Variants in WDPCP observed in about 807,000 individuals in gnomAD.
The protein encoded by WDPCP is WD repeat containing planar cell polarity effector.
In WDPCP, 71 loss-of-function variants were observed where a neutral mutation model predicts 93.1. The ratio of observed to expected loss-of-function variants is 0.76; its 90% confidence interval spans 0.63 to 0.93. The LOEUF is 0.93. Among genes scored for constraint, WDPCP ranks in the 40% least tolerant of loss-of-function variants. WDPCP has a pLI of 0.00. For synonymous variants in WDPCP, 315 were observed against 315.0 expected (o/e 1.00, Z 0.00); for missense variants, 844 against 887.4 (o/e 0.95, Z 0.62).
intron 6 of WDPCP, 134 bp from the exon 7 acceptor site, chr2:63,440,005 T>G: frequency 6.1e-6 from 4 of 660,320 alleles, no homozygotes; most frequent in Non-Finnish European, 1.1e-5. Context: ...TATAAAGATT[T>G]TCTTCACTGA....
At chr2:63,343,004 G>T (rs575231325) in intron 12 of WDPCP, among the ~76,000 whole-genome samples, 2 of 150,016 alleles carry the variant, frequency 1.3e-5, no homozygotes, top group East Asian at 3.9e-4. Context: ...AAAATTCTTT[G>T]TTGTTGGTTT....
At chr2:63,635,463 A>T (rs893961778) in intron 3 of WDPCP, among the ~76,000 whole-genome samples, 3 of 152,164 alleles carry the variant, frequency 2.0e-5, no homozygotes, top group African/African-American at 7.2e-5. Context: ...CAGATGCAAA[A>T]ATTCTCAACA....
intron 17 of WDPCP, among the ~76,000 whole-genome samples, chr2:63,140,455 G>A (rs756426347): frequency 1.3e-5 from 2 of 151,754 alleles, no homozygotes; most frequent in Non-Finnish European, 2.9e-5. Flanking sequence ...CATGGGATGT[G>A]TTTCCGTTTG....
chr2:63,179,958 T>C (rs955549921), intron 14 of WDPCP, among the ~76,000 whole-genome samples: 4 of 152,158 alleles, frequency 2.6e-5, no homozygotes, highest in Admixed American at 1.3e-4. Flanking sequence ...CACTTGAAAA[T>C]AATGTGTTTT....
intron 2 of WDPCP, among the ~76,000 whole-genome samples, chr2:63,811,736 A>C (rs1670865311): frequency 6.6e-6 from 1 of 152,028 alleles, no homozygotes; most frequent in African/African-American, 2.4e-5. Flanking sequence ...CCCAATAGGC[A>C]GTTTTCCATT....
At chr2:63,681,913 T>C (rs1357276674) in intron 2 of WDPCP, among the ~76,000 whole-genome samples, 1 of 152,212 alleles carries the variant, frequency 6.6e-6, no homozygotes, top group African/African-American at 2.4e-5. Flanking sequence ...CAGAGAATTC[T>C]TCCAGATCTT....
intron 13 of WDPCP, among the ~76,000 whole-genome samples, chr2:63,299,363 C>T (rs547208040): frequency 4.6e-5 from 7 of 152,268 alleles, no homozygotes; most frequent in Admixed American, 1.3e-4. Context: ...AGGATTGCAT[C>T]GTGATGAGCC....
chr2:63,121,820 G>T lies in WDPCP; in HGVS notation c.*186C>A, dbSNP rs907706769. The T allele has an allele frequency of 1.7e-5, 24 of 1,373,640 alleles. 1 individual carries two copies. In the African/African-American group the frequency reaches 3.4e-4, roughly 19 times the overall value. 85.1% of individuals were successfully genotyped at this position (1,373,640 alleles called of 1,614,324 possible). On this transcript the variant is annotated 3_prime_UTR_variant, in exon 18 of 18. Coordinates refer to ENST00000272321, the MANE Select transcript of WDPCP (RefSeq NM_015910.7). ...GACTTTTACTTACGATCACTTTGCTGTTATGCTGCATGTTTTTGAAATAAT... is the reference window on the plus strand; with the variant it reads ...GACTTTTACTTACGATCACTTTGCTTTTATGCTGCATGTTTTTGAAATAAT...
intron 14 of WDPCP, among the ~76,000 whole-genome samples, chr2:63,224,154 G>T (rs1322040369): frequency 6.6e-6 from 1 of 152,012 alleles, no homozygotes; most frequent in Non-Finnish European, 1.5e-5. Context: ...CACATCATAT[G>T]TCATTAAGGA....
At chr2:63,336,228 G>C (rs960543083) in intron 12 of WDPCP, among the ~76,000 whole-genome samples, 1 of 152,174 alleles carries the variant, frequency 6.6e-6, no homozygotes, top group Admixed American at 6.5e-5. Context: ...TTGGGGTCTG[G>C]ATCAGGACCG....
chr2:63,325,305 A>G (rs1575145792), intron 12 of WDPCP, among the ~76,000 whole-genome samples: 1 of 152,046 alleles, frequency 6.6e-6, no homozygotes, highest in East Asian at 1.9e-4. Flanking sequence ...GAAACAAGCC[A>G]CCCCCTCGTC....
chr2:63,701,943 G>A (rs1197274723), intron 2 of WDPCP, among the ~76,000 whole-genome samples: 2 of 152,158 alleles, frequency 1.3e-5, no homozygotes, highest in East Asian at 1.9e-4. Flanking sequence ...TAGATAAATA[G>A]GATGATCATA....
At chr2:63,452,004 G>T (rs1027883091) in intron 6 of WDPCP, among the ~76,000 whole-genome samples, 4 of 152,044 alleles carry the variant, frequency 2.6e-5, no homozygotes, top group East Asian at 1.9e-4. Flanking sequence ...GGGCAAAAAC[G>T]GGAAGCACTC....
At chr2:63,306,203 A>T (rs4632325) in intron 13 of WDPCP, among the ~76,000 whole-genome samples, 1 of 152,058 alleles carries the variant, frequency 6.6e-6, no homozygotes, top group Non-Finnish European at 1.5e-5. Flanking sequence ...GAAGTTGAAT[A>T]CCTGAATAGA....
chr2:63,623,933 A>C (rs1709778411), intron 3 of WDPCP, among the ~76,000 whole-genome samples: 1 of 152,208 alleles, frequency 6.6e-6, no homozygotes, highest in Non-Finnish European at 1.5e-5. Context: ...CATATGTGGA[A>C]GTGAAACACT....
upstream of WDPCP, chr2:63,593,271 T>G (rs1258191932): frequency 3.0e-5 from 6 of 200,328 alleles, no homozygotes; most frequent in East Asian, 6.8e-4. Flanking sequence ...ATTCTGTATT[T>G]TTAGTAGAGA....
At chr2:63,425,565 C>T (rs1018498857) in intron 9 of WDPCP, among the ~76,000 whole-genome samples, 4 of 152,110 alleles carry the variant, frequency 2.6e-5, no homozygotes, top group Non-Finnish European at 5.9e-5. Flanking sequence ...AAATTCACTA[C>T]AAGAATTTCA....
intron 2 of WDPCP, among the ~76,000 whole-genome samples, chr2:63,730,050 G>A (rs1008564320): frequency 6.6e-6 from 1 of 152,204 alleles, no homozygotes; most frequent in Non-Finnish European, 1.5e-5. Context: ...GGGAGGGAAA[G>A]AGTAGTTTCA....
At chr2:63,832,930 A>G in the WDPCP span, among the ~76,000 whole-genome samples, 2 of 152,170 alleles carry the variant, frequency 1.3e-5, no homozygotes, top group African/African-American at 4.8e-5. Context: ...CTGAACTTAC[A>G]CTCTGTGCTA....
Sources: gnomAD v4.1 joint callset for allele counts (sites outside exome capture counted in the v4.1 genomes callset) on GRCh38, gnomAD v4.1.1 for gene constraint, MANE v1.5 for transcripts, NCBI Gene and HGNC (gene_info 2026-07-23, HGNC 2026-07-21) for gene names.